Variants in SLC5A11 observed in about 807,000 individuals in gnomAD.
The protein encoded by SLC5A11 is sodium/myo-inositol cotransporter 2.
A neutral mutation model predicts 69.8 loss-of-function variants in SLC5A11; 48 were observed. The observed-to-expected ratio is 0.69, with a 90% confidence interval of 0.55 to 0.87. The LOEUF is 0.87. SLC5A11 is among the 40% of genes least tolerant of loss of function. The pLI, the probability that SLC5A11 is intolerant of heterozygous loss-of-function variation, is 0.00. For missense variants in SLC5A11, 784 were observed against 866.1 expected (o/e 0.91, Z 1.19); for synonymous variants, 319 against 342.4 (o/e 0.93, Z 0.75).
At chr16:24,853,685 G>T (rs985035733) in intron 1 of SLC5A11, among the ~76,000 whole-genome samples, 2 of 152,244 alleles carry the variant, frequency 1.3e-5, no homozygotes, top group Admixed American at 6.5e-5. Flanking sequence ...CGGCCTAGAA[G>T]CAAGCAGCAC....
In SLC5A11 at chr16:24,870,113, C is replaced by A; in HGVS notation, c.312+108C>A. On this transcript the variant is annotated intron_variant, in intron 4 of 15. Transcript: ENST00000347898. The stretch of plus-strand genomic sequence containing the variant: ...GCACTTTAAAAATAGAATGGTGGGG[C>A]CAGGCGCGGTGGCTCACGCCTGTAA... 3 of 786,720 alleles carry A rather than the reference C, an allele frequency of 3.8e-6. No homozygotes were observed. The South Asian group carries it at 5.0e-5, about 13-fold the overall frequency. The allele number at this position is 786,720 out of a possible 1,614,324, so 48.7% of individuals were successfully genotyped here.
At chr16:24,848,727 C>A (rs753466538) in intron 1 of SLC5A11, among the ~76,000 whole-genome samples, 4 of 152,252 alleles carry the variant, frequency 2.6e-5, no homozygotes, top group Admixed American at 6.5e-5. Flanking sequence ...CCACAGTGAG[C>A]TCTGATGGCA....
rs566955470 is a variant in SLC5A11 at position 24,893,768 on chromosome 16, C to T, written c.870+2694C>T. ...GGTATTTTTTGTAGAGATAGGGTTTCGCTATGTTGGCCAGGCTAGTCTTGA... is the reference window on the plus strand; with the variant it reads ...GGTATTTTTTGTAGAGATAGGGTTTTGCTATGTTGGCCAGGCTAGTCTTGA... On this transcript the variant is annotated intron_variant, in intron 9 of 15. Coordinates refer to ENST00000347898, the Ensembl canonical transcript of SLC5A11. Among the ~76,000 whole-genome samples, 44 of 152,034 alleles carry T rather than the reference C, an allele frequency of 2.9e-4. 1 individual carries two copies. In the South Asian group the frequency reaches 6.7e-3, roughly 23 times the overall value.
rs59768610 is a variant in SLC5A11, at chr16:24,851,969, T to TTCTCTC, written c.-25+5552_-25+5557dup. 3.5e-3 allele frequency among the ~76,000 whole-genome samples: 484 copies of TTCTCTC among 140,146 alleles called. 4 individuals are homozygous for TTCTCTC. Among genetic ancestry groups the TTCTCTC allele is most frequent in the African/African-American group, 9.4e-3 (342 of 36,448 alleles). 91.9% of individuals were successfully genotyped at this position (140,146 alleles called of 152,430 possible). ...ATTCAGAGCAGGGAACTTCCCTTGC[T>TTCTCTC]TCTCTCTCTCTCTCTCTCTCTCTCT... On this transcript the variant is annotated intron_variant, in intron 1 of 15. Transcript: ENST00000347898.
chr16:24,894,311 C>CGG (rs2049004987), intron 9 of SLC5A11, among the ~76,000 whole-genome samples: 1 of 152,186 alleles, frequency 6.6e-6, no homozygotes, highest in South Asian at 2.1e-4. Flanking sequence ...GCTCTCCCTC[C>CGG]TCCTTTCCCA....
chr16:24,849,621 T>TATATATATATATAG (rs1460290781), intron 1 of SLC5A11, among the ~76,000 whole-genome samples: 1 of 123,698 alleles, frequency 8.1e-6, no homozygotes, highest in Non-Finnish European at 1.7e-5. Context: ...TATATATATA[T>TATATATATATATAG]ATCCATGAGA....
chr16:24,896,872 C>G (rs979105935), intron 9 of SLC5A11, among the ~76,000 whole-genome samples: 1 of 151,536 alleles, frequency 6.6e-6, no homozygotes, highest in Non-Finnish European at 1.5e-5. Flanking sequence ...AGAGATGCAG[C>G]CAGCAGCTCT....
chr16:24,892,444 TAA>T (rs59511866), intron 9 of SLC5A11, among the ~76,000 whole-genome samples: 2,767 of 140,788 alleles, frequency 0.02, 94 homozygotes, highest in African/African-American at 0.064. Context: ...CCTTTTGTGT[TAA>T]AAAAAAAAAA....
At position 24,846,452 on chromosome 16, in the gene SLC5A11, T is replaced by C. The variant is rs2161440; in HGVS notation, c.-25+14T>C. ...ATCTGGAATAAGGTAAGACACCCCC[T>C]GCCCCCAAACAGGTAGCCACTCTCC... On this transcript the variant is annotated intron_variant, in intron 1 of 15. Coordinates refer to ENST00000347898, the Ensembl canonical transcript of SLC5A11. The C allele has an allele frequency of 0.98, 149,792 of 152,750 alleles. 73,519 individuals are homozygous for C. The highest frequency in any genetic ancestry group is 0.99 in the Middle Eastern group (294 of 296). 9.5% of individuals were successfully genotyped at this position (152,750 alleles called of 1,614,324 possible). A position where few individuals can be genotyped will look rare whatever the true frequency, so the allele number is the denominator to read the frequency against.
At chr16:24,885,731 TC>T (rs1342440568) in intron 8 of SLC5A11, among the ~76,000 whole-genome samples, 1 of 138,916 alleles carries the variant, frequency 7.2e-6, no homozygotes, top group Non-Finnish European at 1.5e-5. Flanking sequence ...GGGATCAAAA[TC>T]CTGAAAGATG....
chr16:24,903,384 A>G (rs576534833), intron 10 of SLC5A11, among the ~76,000 whole-genome samples: 1 of 152,274 alleles, frequency 6.6e-6, no homozygotes, highest in African/African-American at 2.4e-5. Flanking sequence ...GACTATTTGA[A>G]AATGTACAAT....
intron 5 of SLC5A11, 26 bp downstream of exon 6, chr16:24,872,245 G>A (rs772112975): frequency 5.6e-6 from 9 of 1,613,360 alleles, no homozygotes; most frequent in South Asian, 2.2e-5. Flanking sequence ...TTGGGATGCT[G>A]TAGAATTGAA....
rs1035491927 is a variant in SLC5A11 at position 24,906,836 on chromosome 16, C to A, written c.1114+72C>A. Reference sequence around the variant, plus strand: ...AGGAGATCACCGGATGGGCTCTGATCCAAGGCAGGGTCAAGAAAGGAGGGC... The same window carrying A: ...AGGAGATCACCGGATGGGCTCTGATACAAGGCAGGGTCAAGAAAGGAGGGC... On this transcript the variant is annotated intron_variant, in intron 11 of 15. Transcript: ENST00000347898. The A allele has an allele frequency of 1.4e-5, 21 of 1,456,484 alleles. No individual in the cohort carries two copies. In the Admixed American group the frequency reaches 2.9e-4, roughly 20 times the overall value. 90.2% of individuals were successfully genotyped at this position (1,456,484 alleles called of 1,614,324 possible).
At chr16:24,886,915 C>T (rs1255130233) in intron 8 of SLC5A11, among the ~76,000 whole-genome samples, 1 of 152,068 alleles carries the variant, frequency 6.6e-6, no homozygotes, top group Non-Finnish European at 1.5e-5. Flanking sequence ...CTGCAGTGAG[C>T]TATTATTGCA....
Position 24,893,116 on chromosome 16 carries a change from CAA to C in SLC5A11, c.870+2066_870+2067del, listed in dbSNP as rs58331547. On this transcript the variant is annotated intron_variant, in intron 9 of 15. Transcript: ENST00000347898. ...CAAAACCCTGTCTCTACTAAAAATA[CAA>C]AAAAAAAAAAAAAAAAAAAAAAAGC... is the stretch of plus-strand genomic sequence containing the variant. Among the ~76,000 whole-genome samples the C allele has an allele frequency of 6.3e-3, 620 of 98,914 alleles. 1 individual carries two copies. The highest frequency in any genetic ancestry group is 0.029 in the African/African-American group (581 of 20,036). The allele number at this position is 98,914 out of a possible 152,430, so 64.9% of individuals were successfully genotyped here.
intron 14 of SLC5A11, among the ~76,000 whole-genome samples, chr16:24,909,679 AT>A (rs1393207086): frequency 1.3e-5 from 2 of 149,918 alleles, no homozygotes; most frequent in African/African-American, 2.5e-5. Context: ...AAAAGAAAAA[AT>A]TAGCAGGGCG....
chr16:24,885,834 T>C (rs760410376), intron 8 of SLC5A11, among the ~76,000 whole-genome samples: 1 of 151,674 alleles, frequency 6.6e-6, no homozygotes, highest in Non-Finnish European at 1.5e-5. Flanking sequence ...CTATGAAACA[T>C]GTATGAAAGA....
In SLC5A11 at chr16:24,901,128, G is replaced by A. The variant is rs145250026; in HGVS notation, c.1006+3019G>A. Among the ~76,000 whole-genome samples the A allele has an allele frequency of 4.4e-3, 669 of 152,104 alleles. 6 individuals carry two copies. Among genetic ancestry groups the A allele is most frequent in the African/African-American group, 0.015 (621 of 41,496 alleles). On this transcript the variant is annotated intron_variant, in intron 10 of 15. Coordinates refer to ENST00000347898, the Ensembl canonical transcript of SLC5A11. Reference sequence around the variant, plus strand: ...AAGCCATTTAATGTCTCTTTGCTTCGTTTCCTCACTTGTAAAATGGGGGTA... The same window carrying A: ...AAGCCATTTAATGTCTCTTTGCTTCATTTCCTCACTTGTAAAATGGGGGTA...
chr16:24,889,290 C>T (rs1317100860), intron 8 of SLC5A11, among the ~76,000 whole-genome samples: 1 of 152,024 alleles, frequency 6.6e-6, no homozygotes, highest in Non-Finnish European at 1.5e-5. Flanking sequence ...CGAGACCAGC[C>T]TGGGCAACAT....
Sources: allele counts gnomAD v4.1 joint callset (sites outside exome capture counted in the v4.1 genomes callset), GRCh38; gene constraint gnomAD v4.1.1; transcripts MANE v1.5; gene names NCBI Gene and HGNC (gene_info 2026-07-23, HGNC 2026-07-21).